The following TTC34 variants were observed in gnomAD, a reference collection of about 807,000 sequenced individuals.
TTC34 encodes the protein tetratricopeptide repeat protein 34.
In TTC34, 44 loss-of-function variants were observed where a neutral mutation model predicts 40.7. The observed-to-expected ratio is 1.08, with a 90% CI of 0.85 to 1.39. The LOEUF (loss-of-function observed/expected upper bound fraction) is 1.39, where lower values mean the gene tolerates loss of function less well. Among genes scored for constraint, TTC34 ranks in the 40% most tolerant of loss-of-function variants. The pLI is 0.00. For synonymous variants in TTC34, 422 were observed against 398.6 expected (o/e 1.06, Z -0.70); for missense variants, 884 against 838.0 (o/e 1.05, Z -0.68).
chr1:2,643,921 C>T lies in TTC34; in HGVS notation c.2712+343G>A, dbSNP rs549150184. 3.9e-5 allele frequency among the ~76,000 whole-genome samples: 6 copies of T among 152,382 alleles called. No individual in the cohort carries two copies. The South Asian group carries it at 1.0e-3, about 26-fold the overall frequency. ...CTTGTCCCCACGTGCCTTCTCCCGGCCTGCCATGGGTTTGGGGTGGGCTTC... is the reference window on the plus strand; with the variant it reads ...CTTGTCCCCACGTGCCTTCTCCCGGTCTGCCATGGGTTTGGGGTGGGCTTC... On this transcript the variant is annotated intron_variant, in intron 8 of 8. Coordinates refer to ENST00000401095, the Ensembl canonical transcript of TTC34.
intron 6 of TTC34, among the ~76,000 whole-genome samples, chr1:2,647,223 C>T (rs1639036590): frequency 6.6e-6 from 1 of 152,042 alleles, no homozygotes; most frequent in Non-Finnish European, 1.5e-5. Context: ...TATATTTGTC[C>T]CATTCATTCT....
intron 2 of TTC34, among the ~76,000 whole-genome samples, chr1:2,790,682 C>G (rs1458984422): frequency 1.3e-5 from 2 of 152,244 alleles, no homozygotes; most frequent in African/African-American, 2.4e-5. Context: ...AGTTACAACG[C>G]CTTTCCCTTG....
At chr1:2,656,116 C>A (rs1557589699) in intron 6 of TTC34, among the ~76,000 whole-genome samples, 1 of 152,176 alleles carries the variant, frequency 6.6e-6, no homozygotes, top group Admixed American at 6.5e-5. Context: ...CATCTGAGAG[C>A]CTGGAACAGA....
rs139034606 is a variant in TTC34, at chr1:2,788,714, C to T, written c.1628+789G>A. Among the ~76,000 whole-genome samples, 510 of 152,264 alleles carry T rather than the reference C, an allele frequency of 3.3e-3. 5 individuals are homozygous for T. Among genetic ancestry groups the T allele is most frequent in the African/African-American group, 0.011 (473 of 41,538 alleles). On this transcript the variant is annotated intron_variant, in intron 3 of 8. Coordinates refer to ENST00000401095, the Ensembl canonical transcript of TTC34. ...AAGTCAAGGATCCTACAAGTGGCGGCGCTTCCTGACCCGGGAACTGCATGC... is the reference window on the plus strand; with the variant it reads ...AAGTCAAGGATCCTACAAGTGGCGGTGCTTCCTGACCCGGGAACTGCATGC...
intron 3 of TTC34, among the ~76,000 whole-genome samples, chr1:2,789,155 G>A (rs953706366): frequency 5.3e-5 from 8 of 152,084 alleles, no homozygotes; most frequent in Admixed American, 2.6e-4. Context: ...GGCGCAGGTC[G>A]GGGCGGTGCT....
chr1:2,641,644 C>T lies in TTC34; in HGVS notation c.2964G>A (p.Leu988=), dbSNP rs1371661668. Residue 988 remains leucine, a synonymous_variant, in exon 9 of 9, where the codon CTG becomes CTA. Transcript: ENST00000401095. Reference sequence around the variant, plus strand: ...CGGCCGCCGCCTCATCCCCCAGGCTCAGCAGCAGGCGACCCTGACGGCAGA... The same window carrying T: ...CGGCCGCCGCCTCATCCCCCAGGCTTAGCAGCAGGCGACCCTGACGGCAGA... 5 of 1,535,144 alleles carry T rather than the reference C, an allele frequency of 3.3e-6. No homozygotes were observed. In the African/African-American group the frequency reaches 4.1e-5, roughly 13 times the overall value.
exon 9 of TTC34, chr1:2,641,589 C>A: frequency 6.5e-7 from 1 of 1,533,310 alleles, no homozygotes; most frequent in Non-Finnish European, 8.7e-7. Flanking sequence ...AAGGAGGGCG[C>A]CAGCTTCAGG....
At chr1:2,652,798 C>A (rs1384102645) in intron 6 of TTC34, among the ~76,000 whole-genome samples, 13 of 89,150 alleles carry the variant, frequency 1.5e-4, no homozygotes, top group African/African-American at 3.2e-4. Context: ...CCTGGAGCAG[C>A]AACCACACCC....
intron 6 of TTC34, among the ~76,000 whole-genome samples, chr1:2,782,625 A>G (rs549802268): frequency 3.2e-4 from 48 of 152,300 alleles, no homozygotes; most frequent in African/African-American, 8.9e-4. Flanking sequence ...ATTTACAGCT[A>G]TACATTTCCC....
chr1:2,751,413 G>T (rs1641314977), intron 6 of TTC34, among the ~76,000 whole-genome samples: 1 of 143,048 alleles, frequency 7.0e-6, no homozygotes, highest in African/African-American at 2.7e-5. Context: ...ACACACACAG[G>T]TGGGCATCTG....
chr1:2,650,409 A>C (rs892312142), intron 6 of TTC34, among the ~76,000 whole-genome samples: 1 of 150,540 alleles, frequency 6.6e-6, no homozygotes, highest in Non-Finnish European at 1.5e-5. Flanking sequence ...AGCCTGGAAC[A>C]GCACCTCACA....
chr1:2,767,589 G>C (rs1370981956), intron 6 of TTC34, among the ~76,000 whole-genome samples: 1 of 121,484 alleles, frequency 8.2e-6, no homozygotes, highest in Non-Finnish European at 1.7e-5. Flanking sequence ...TGACAGTCTG[G>C]AACAGCATCC....
chr1:2,771,379 G>A lies in TTC34; in HGVS notation c.2226+12230C>T, dbSNP rs1450322431. The stretch of plus-strand genomic sequence containing the variant: ...ATTCTCCAACCACAGGTGAGGATCT[G>A]ACAGCCTGGAACAGAACCCCACTCT... On this transcript the variant is annotated intron_variant, in intron 6 of 8. Transcript: ENST00000401095. Among the ~76,000 whole-genome samples, 2 of 66,972 alleles carry A rather than the reference G, an allele frequency of 3.0e-5. 1 individual carries two copies. The highest frequency in any genetic ancestry group is 5.1e-5 in the Non-Finnish European group (2 of 39,510). The allele number at this position is 66,972 out of a possible 152,430, so 43.9% of individuals were successfully genotyped here. A position where few individuals can be genotyped will look rare whatever the true frequency, so the allele number is the denominator to read the frequency against.
At chr1:2,754,746 T>C (rs1641447155) in intron 6 of TTC34, among the ~76,000 whole-genome samples, 2 of 142,986 alleles carry the variant, frequency 1.4e-5, no homozygotes, top group African/African-American at 5.5e-5. Flanking sequence ...CACCCCCAGG[T>C]GCGCATGTGA....
chr1:2,700,092 G>C (rs1367765846), intron 6 of TTC34, among the ~76,000 whole-genome samples: 11 of 90,354 alleles, frequency 1.2e-4, no homozygotes, highest in Middle Eastern at 9.8e-3. Context: ...AGCACCCACA[G>C]TCCCAGGTGA....
chr1:2,685,013 T>A (rs544214174), intron 6 of TTC34, among the ~76,000 whole-genome samples: 1 of 121,548 alleles, frequency 8.2e-6, no homozygotes, highest in South Asian at 2.7e-4. Context: ...GGCGAGCATC[T>A]GACAGCATGT....
chr1:2,684,424 C>G (rs1293728397), intron 6 of TTC34, among the ~76,000 whole-genome samples: 1 of 117,370 alleles, frequency 8.5e-6, no homozygotes, highest in African/African-American at 3.6e-5. Flanking sequence ...CAGACTGGAA[C>G]ACCACCCTGC....
intron 6 of TTC34, among the ~76,000 whole-genome samples, chr1:2,777,541 T>C (rs1643280897): frequency 6.6e-6 from 1 of 152,204 alleles, no homozygotes; most frequent in African/African-American, 2.4e-5. Flanking sequence ...CACCCCTGCA[T>C]GTTACCTGTG....
chr1:2,785,716 C>A, intron 5 of TTC34, 103 bp downstream of exon 5: 2 of 1,291,964 alleles, frequency 1.5e-6, no homozygotes, highest in Non-Finnish European at 1.0e-6. Flanking sequence ...GCCCCTGCAC[C>A]TGGGGAGCAT....
Sources: allele counts gnomAD v4.1 joint callset (sites outside exome capture counted in the v4.1 genomes callset), GRCh38; gene constraint gnomAD v4.1.1; transcripts MANE v1.5; gene names NCBI Gene and HGNC (gene_info 2026-07-23, HGNC 2026-07-21).